Variants in TPPP observed in about 807,000 individuals in gnomAD.
TPPP encodes tubulin polymerization-promoting protein.
In TPPP, 6 loss-of-function variants were observed where a neutral mutation model predicts 15.5. That is an observed-to-expected ratio of 0.39 (90% CI 0.21 to 0.77). TPPP has a LOEUF of 0.77. Ranked by LOEUF, TPPP falls within the 30% of genes least tolerant of loss-of-function variation. TPPP has a pLI of 0.42. For missense variants in TPPP, 269 were observed against 307.2 expected, an observed-to-expected ratio of 0.88 and a Z score of 0.93; for synonymous variants, 146 against 133.9, an observed-to-expected ratio of 1.09 and a Z score of -0.63.
At chr5:679,187 T>TG (rs375435912) in intron 1 of TPPP, among the ~76,000 whole-genome samples, 126 of 151,842 alleles carry the variant, frequency 8.3e-4, no homozygotes, top group African/African-American at 2.7e-3. Flanking sequence ...TCTGTAATCG[T>TG]GGGGTCCTGA....
chr5:672,933 C>T (rs1580084098), intron 2 of TPPP, among the ~76,000 whole-genome samples: 3 of 152,240 alleles, frequency 2.0e-5, no homozygotes, highest in Admixed American at 6.5e-5. Context: ...GCAACGAGGA[C>T]TAAACAAAGG....
intron 2 of TPPP, among the ~76,000 whole-genome samples, chr5:668,369 G>A (rs1271406942): frequency 2.9e-5 from 3 of 104,766 alleles, no homozygotes; most frequent in Non-Finnish European, 6.3e-5. Context: ...ACACTGGAGA[G>A]GGGTCCGCGT....
chr5:685,300 C>T lies in TPPP; in HGVS notation c.-4-7236G>A, dbSNP rs990053658. On this transcript the variant is annotated intron_variant, in intron 1 of 3. Coordinates refer to ENST00000360578, the MANE Select transcript of TPPP (RefSeq NM_007030.3). Reference sequence around the variant, plus strand: ...CCTGAAGGCCAGAGCCAAGCCCAGGCTGAGTGCAGTCCCCAAGGAAGTGGG... The same window carrying T: ...CCTGAAGGCCAGAGCCAAGCCCAGGTTGAGTGCAGTCCCCAAGGAAGTGGG... Among the ~76,000 whole-genome samples the T allele has an allele frequency of 5.8e-4, 89 of 152,234 alleles. 4 individuals carry two copies. The highest frequency in any genetic ancestry group is 7.3e-5 in the Non-Finnish European group (5 of 68,038).
Position 664,997 on chromosome 5 carries a change from C to T in TPPP, c.*105G>A. 7.2e-7 allele frequency: 1 copy of T among 1,383,186 alleles called. No homozygotes were observed. The highest frequency in any genetic ancestry group is 2.0e-5 in the Admixed American group (1 of 49,282). The allele number at this position is 1,383,186 out of a possible 1,614,324, so 85.7% of individuals were successfully genotyped here. A position where few individuals can be genotyped will look rare whatever the true frequency, so the allele number is the denominator to read the frequency against. ...CCGCCCCCCAGCCCCCTCTGGGGCA[C>T]CCGTCTGAGTTCTGCCCCAGTTAGT... is the stretch of plus-strand genomic sequence containing the variant. On this transcript the variant is annotated 3_prime_UTR_variant, in exon 4 of 4. Transcript: ENST00000360578.
intron 2 of TPPP, among the ~76,000 whole-genome samples, chr5:677,045 GCA>G (rs976057783): frequency 2.1e-4 from 31 of 149,966 alleles, no homozygotes; most frequent in African/African-American, 6.4e-4. Context: ...ACGCGGAAAC[GCA>G]CACACGTGCA....
chr5:677,660 T>C (rs1336884146), intron 2 of TPPP, 90 bp downstream of exon 2: 5 of 1,271,986 alleles, frequency 3.9e-6, no homozygotes, highest in Admixed American at 4.9e-5. Flanking sequence ...CCACTCCCCA[T>C]GGCCCGCTCC....
rs116105520 is a variant in TPPP, at chr5:668,364, G to A, written c.312-2241C>T. Among the ~76,000 whole-genome samples the A allele has an allele frequency of 8.5e-3, 782 of 92,248 alleles. 40 individuals are homozygous for A. Among genetic ancestry groups the A allele is most frequent in the African/African-American group, 0.036 (646 of 18,144 alleles). 60.5% of individuals were successfully genotyped at this position (92,248 alleles called of 152,430 possible). ...TCAGGGAAGTGCGGACAAGCACACT[G>A]GAGAGGGGTCCGCGTGGGCCTCGTC... is the stretch of plus-strand genomic sequence containing the variant. On this transcript the variant is annotated intron_variant, in intron 2 of 3. Transcript: ENST00000360578.
At chr5:671,932 A>G (rs1160670818) in intron 2 of TPPP, among the ~76,000 whole-genome samples, 2 of 152,216 alleles carry the variant, frequency 1.3e-5, no homozygotes, top group Non-Finnish European at 2.9e-5. Flanking sequence ...GGAGCAATGC[A>G]GCCCTGAGGC....
At chr5:681,557 A>T (rs561334990) in intron 1 of TPPP, among the ~76,000 whole-genome samples, 2 of 152,306 alleles carry the variant, frequency 1.3e-5, no homozygotes, top group African/African-American at 4.8e-5. Flanking sequence ...GGACGTGCCA[A>T]GCCCTGACCT....
chr5:678,742 C>A (rs1740532927), intron 1 of TPPP, among the ~76,000 whole-genome samples: 5 of 152,246 alleles, frequency 3.3e-5, no homozygotes, highest in Admixed American at 3.3e-4. Context: ...GTGGTGGGGG[C>A]ACCGGTGTCA....
At chr5:685,186 C>T (rs1740734054) in intron 1 of TPPP, among the ~76,000 whole-genome samples, 2 of 152,304 alleles carry the variant, frequency 1.3e-5, no homozygotes, top group Admixed American at 1.3e-4. Context: ...GTCACTGGTC[C>T]AGAGGGATCG....
At chr5:675,537 A>AGTGTGAGCAGGGG (rs1740400936) in intron 2 of TPPP, among the ~76,000 whole-genome samples, 2 of 27,048 alleles carry the variant, frequency 7.4e-5, no homozygotes, top group African/African-American at 3.0e-4. Flanking sequence ...GTGGCCGGGG[A>AGTGTGAGCAGGGG]TGCCGTGTGG....
chr5:671,001 G>A (rs1372812586), intron 2 of TPPP, among the ~76,000 whole-genome samples: 1 of 152,188 alleles, frequency 6.6e-6, no homozygotes, highest in Non-Finnish European at 1.5e-5. Context: ...GGCAGCTCAG[G>A]CCCCAGGGCG....
chr5:688,298 G>A (rs1241451620), intron 1 of TPPP, among the ~76,000 whole-genome samples: 4 of 144,860 alleles, frequency 2.8e-5, no homozygotes, highest in Non-Finnish European at 6.2e-5. Flanking sequence ...TGACAGTATG[G>A]TGGTCTCAGG....
intron 2 of TPPP, among the ~76,000 whole-genome samples, chr5:677,218 TG>T: frequency 6.6e-6 from 1 of 152,294 alleles, no homozygotes; most frequent in East Asian, 1.9e-4. Context: ...TGGGAGGGGC[TG>T]GGGGACACCC....
In TPPP at chr5:666,081, C is replaced by T. The variant is rs757150604; in HGVS notation, c.354G>A (p.Glu118=). 43 of 1,612,440 alleles carry T rather than the reference C, an allele frequency of 2.7e-5. No individual in the cohort carries two copies. In the East Asian group the frequency reaches 5.6e-4, roughly 21 times the overall value. The part of the protein sequence containing the change: ...CRTITFEQFQ[E]ALEELAKKRF... ...GCTTCTTGGCGAGCTCCTCCAGCGC[C>T]TCCTGGAACTGCTCAAAGGTGATGG... Residue 118 remains glutamate, a synonymous_variant, in exon 3 of 4, where the codon GAG becomes GAA. Coordinates refer to ENST00000360578, the MANE Select transcript of TPPP (RefSeq NM_007030.3).
At position 672,374 on chromosome 5, in the gene TPPP, C is replaced by T. The variant is rs138355763; in HGVS notation, c.311+5376G>A. ...GCCAAGCCACCACCCAGTATCCACCCAGGTGTCTATAGGAAACGTCAGTGC... is the reference window on the plus strand; with the variant it reads ...GCCAAGCCACCACCCAGTATCCACCTAGGTGTCTATAGGAAACGTCAGTGC... On this transcript the variant is annotated intron_variant, in intron 2 of 3. Transcript: ENST00000360578. Among the ~76,000 whole-genome samples the T allele has an allele frequency of 6.6e-5, 10 of 152,356 alleles. No individual in the cohort carries two copies. In the East Asian group the frequency reaches 1.5e-3, roughly 24 times the overall value.
At position 663,569 on chromosome 5, in the gene TPPP, T is replaced by C. The variant is rs1282624830; in HGVS notation, c.*1533A>G. 1 of 152,430 alleles carries C rather than the reference T, an allele frequency of 6.6e-6. No homozygotes were observed. Among genetic ancestry groups the C allele is most frequent in the African/African-American group, 2.4e-5 (1 of 41,440 alleles). 9.4% of individuals were successfully genotyped at this position (152,430 alleles called of 1,614,324 possible). ...CTCCGCCCTGGGGCTTCTGCTCTGC[T>C]CAGGTAGGGGGAGTCCTTCCACGGA... On this transcript the variant is annotated 3_prime_UTR_variant, in exon 4 of 4. Coordinates refer to ENST00000360578, the MANE Select transcript of TPPP (RefSeq NM_007030.3).
At chr5:689,009 G>C (rs1455811930) in intron 1 of TPPP, among the ~76,000 whole-genome samples, 1 of 81,786 alleles carries the variant, frequency 1.2e-5, no homozygotes, top group African/African-American at 3.9e-5. Flanking sequence ...GGCACCAGCA[G>C]CACTTCTGAG....
Sources: allele counts gnomAD v4.1 joint callset (sites outside exome capture counted in the v4.1 genomes callset), GRCh38; gene constraint gnomAD v4.1.1; transcripts MANE v1.5; gene names NCBI Gene and HGNC (gene_info 2026-07-23, HGNC 2026-07-21).